CA8: variants seen among roughly 807,000 people sequenced by gnomAD.
The protein encoded by CA8 is carbonic anhydrase-related protein.
A neutral mutation model predicts 41.4 loss-of-function variants in CA8; 22 were observed. The observed-to-expected ratio is 0.53, with a 90% confidence interval of 0.38 to 0.76. The LOEUF (loss-of-function observed/expected upper bound fraction) is 0.76. Ranked by LOEUF, CA8 falls within the 30% of genes least tolerant of loss-of-function variation. CA8 has a pLI of 0.00. For missense variants in CA8, 270 were observed against 352.8 expected, an observed-to-expected ratio of 0.77 and a Z score of 1.88; for synonymous variants, 121 against 130.6, an observed-to-expected ratio of 0.93 and a Z score of 0.50.
intron 3 of CA8, among the ~76,000 whole-genome samples, chr8:60,238,581 C>CT (rs1436764871): frequency 1.3e-5 from 2 of 152,138 alleles, no homozygotes; most frequent in African/African-American, 4.8e-5. Flanking sequence ...CTGGGACCCC[C>CT]GTGCCTTTAT....
chr8:60,265,687 A>G (rs1224708994), intron 3 of CA8: 3 of 512,260 alleles, frequency 5.9e-6, no homozygotes, highest in Non-Finnish European at 1.1e-5. Context: ...GTGAAATTTA[A>G]TACTGTAGAT....
At chr8:60,204,925 C>A (rs765634110) in intron 8 of CA8, among the ~76,000 whole-genome samples, 1 of 152,148 alleles carries the variant, frequency 6.6e-6, no homozygotes, top group African/African-American at 2.4e-5. Flanking sequence ...TAATGCCTTA[C>A]CCTCTTCTAA....
chr8:60,189,669 A>G lies in CA8; in HGVS notation c.*352T>C, dbSNP rs1038717054. On this transcript the variant is annotated 3_prime_UTR_variant, in exon 9 of 9. Transcript: ENST00000317995. Reference sequence around the variant, plus strand: ...CCGGGAATGTATTTTTCCTTTCTCAATATTAACACATGATATATATTCATA... The same window carrying G: ...CCGGGAATGTATTTTTCCTTTCTCAGTATTAACACATGATATATATTCATA... The G allele has an allele frequency of 5.9e-5, 9 of 152,632 alleles. No homozygotes were observed. The South Asian group carries it at 6.2e-4, about 11-fold the overall frequency. The allele number at this position is 152,632 out of a possible 1,614,324, so 9.5% of individuals were successfully genotyped here.
chr8:60,258,146 C>T (rs1803611543), intron 3 of CA8, among the ~76,000 whole-genome samples: 3 of 152,208 alleles, frequency 2.0e-5, no homozygotes, highest in South Asian at 2.1e-4. Context: ...ACTTAAGAGT[C>T]TTCTCAGAGA....
At chr8:60,190,133 CAA>C (rs1447186696) in intron 8 of CA8, 148 bp from the exon 9 acceptor site, 6 of 151,788 alleles carry the variant, frequency 4.0e-5, no homozygotes, top group Admixed American at 2.6e-4. Context: ...TCTTTGTGCT[CAA>C]GTTTGTTATC....
intron 2 of CA8, among the ~76,000 whole-genome samples, chr8:60,275,617 G>A (rs1436665541): frequency 1.3e-5 from 2 of 151,222 alleles, no homozygotes; most frequent in African/African-American, 4.9e-5. Flanking sequence ...GAAGAAAGTG[G>A]GAGTTACCAA....
At chr8:60,265,665 A>G (rs1221801161) in intron 3 of CA8, 9 of 438,570 alleles carry the variant, frequency 2.1e-5, no homozygotes, top group African/African-American at 1.6e-4. Flanking sequence ...TTACAAGAAT[A>G]GTAACACTAG....
At chr8:60,190,957 T>TATATATACACAC (rs1554573722) in intron 8 of CA8, among the ~76,000 whole-genome samples, 6 of 104,204 alleles carry the variant, frequency 5.8e-5, no homozygotes, top group South Asian at 3.1e-4. Flanking sequence ...TATATATATA[T>TATATATACACAC]ACACACACAC....
At chr8:60,254,800 G>A (rs998523151) in intron 3 of CA8, among the ~76,000 whole-genome samples, 4 of 152,078 alleles carry the variant, frequency 2.6e-5, no homozygotes, top group Non-Finnish European at 4.4e-5. Context: ...AAACAAATAA[G>A]CAAGCCCTGG....
At chr8:60,223,987 G>A (rs1430611901) in intron 6 of CA8, among the ~76,000 whole-genome samples, 1 of 152,188 alleles carries the variant, frequency 6.6e-6, no homozygotes, top group Non-Finnish European at 1.5e-5. Context: ...CTGCAGAGAG[G>A]TAACCTTATA....
At chr8:60,224,916 T>C (rs544234483) in intron 5 of CA8, among the ~76,000 whole-genome samples, 1 of 152,208 alleles carries the variant, frequency 6.6e-6, no homozygotes, top group East Asian at 1.9e-4. Context: ...TAAATTCTCA[T>C]TGTAAAATGC....
chr8:60,227,485 AGGAATC>A (rs1272932623), intron 4 of CA8, among the ~76,000 whole-genome samples: 2 of 152,198 alleles, frequency 1.3e-5, no homozygotes, highest in African/African-American at 2.4e-5. Context: ...TACTGTGTAT[AGGAATC>A]ACTCACTTTG....
intron 8 of CA8, among the ~76,000 whole-genome samples, chr8:60,193,857 A>G (rs1359338217): frequency 6.6e-6 from 1 of 152,112 alleles, no homozygotes; most frequent in Non-Finnish European, 1.5e-5. Flanking sequence ...AATGCTTTGG[A>G]TAATTTTGTT....
At position 60,266,258 on chromosome 8, in the gene CA8, G is replaced by A. The variant is rs116016478; in HGVS notation, c.293-209C>T. The stretch of plus-strand genomic sequence containing the variant: ...ATTCTTGTATTGGCCATTCAGACAC[G>A]GAAGTTCAAAACCTCTGAAAAACTC... On this transcript the variant is annotated intron_variant, in intron 2 of 8. Transcript: ENST00000317995. Among the ~76,000 whole-genome samples the A allele has an allele frequency of 3.7e-3, 560 of 152,128 alleles. 3 individuals carry two copies. Among genetic ancestry groups the A allele is most frequent in the African/African-American group, 0.013 (537 of 41,504 alleles).
intron 7 of CA8, among the ~76,000 whole-genome samples, chr8:60,220,002 C>G (rs1298317955): frequency 6.6e-6 from 1 of 150,528 alleles, no homozygotes; most frequent in Non-Finnish European, 1.5e-5. Flanking sequence ...CTTGCCTTTC[C>G]CACAAAACTT....
chr8:60,276,952 C>T (rs1292448024), intron 2 of CA8, among the ~76,000 whole-genome samples: 2 of 151,952 alleles, frequency 1.3e-5, no homozygotes, highest in Admixed American at 1.3e-4. Context: ...AACCTCGTCT[C>T]TACTAAAAAT....
At chr8:60,227,563 G>T (rs1807486373) in intron 4 of CA8, among the ~76,000 whole-genome samples, 1 of 151,994 alleles carries the variant, frequency 6.6e-6, no homozygotes. Context: ...GGATATTTTT[G>T]AATTAAAACT....
chr8:60,209,822 G>A (rs1806771865), intron 7 of CA8, among the ~76,000 whole-genome samples: 1 of 152,148 alleles, frequency 6.6e-6, no homozygotes. Flanking sequence ...CAGGTCCCAT[G>A]GCTTCCCCAC....
At chr8:60,264,517 G>A (rs539192746) in intron 3 of CA8, among the ~76,000 whole-genome samples, 2 of 152,284 alleles carry the variant, frequency 1.3e-5, no homozygotes, top group East Asian at 3.9e-4. Context: ...TCCTTGTCAG[G>A]TTGGCTGAGG....
Sources: gnomAD v4.1 joint callset for allele counts (sites outside exome capture counted in the v4.1 genomes callset) on GRCh38, gnomAD v4.1.1 for gene constraint, MANE v1.5 for transcripts, NCBI Gene and HGNC (gene_info 2026-07-23, HGNC 2026-07-21) for gene names.